Variants in THAP4 observed in about 807,000 individuals in gnomAD.
THAP4 encodes the protein peroxynitrite isomerase THAP4.
THAP4 carries 18 observed loss-of-function variants against 48.1 expected under a neutral mutation model. The observed-to-expected ratio is 0.37, with a 90% CI of 0.26 to 0.56. The LOEUF is 0.56. Among genes scored for constraint, THAP4 ranks in the 20% least tolerant of loss-of-function variants. The pLI, the probability that THAP4 is intolerant of heterozygous loss-of-function variation, is 0.78. For synonymous variants in THAP4, 345 were observed against 324.9 expected (o/e 1.06, Z -0.66); for missense variants, 656 against 774.9 (o/e 0.85, Z 1.82).
chr2:241,614,391 G>A (rs754649904), intron 2 of THAP4, among the ~76,000 whole-genome samples: 10 of 152,182 alleles, frequency 6.6e-5, no homozygotes, highest in African/African-American at 1.7e-4. Context: ...AGACGTAACC[G>A]TGAGGGATAC....
At chr2:241,588,089 AAATG>A (rs1320245895) in intron 5 of THAP4, among the ~76,000 whole-genome samples, 8 of 152,146 alleles carry the variant, frequency 5.3e-5, no homozygotes, top group Non-Finnish European at 5.9e-5. Context: ...CAAACTACAG[AAATG>A]AATGAATTTA....
At chr2:241,592,476 T>C (rs776109720) in intron 5 of THAP4, among the ~76,000 whole-genome samples, 11 of 152,184 alleles carry the variant, frequency 7.2e-5, no homozygotes, top group Non-Finnish European at 1.3e-4. Flanking sequence ...TGGGGCAAGC[T>C]GGCCAGGGAC....
At chr2:241,587,288 C>T (rs1373778447) in intron 5 of THAP4, among the ~76,000 whole-genome samples, 1 of 152,312 alleles carries the variant, frequency 6.6e-6, no homozygotes, top group East Asian at 1.9e-4. Flanking sequence ...CATCTGTTTG[C>T]TGGAGCTGGG....
At chr2:241,631,748 A>C (rs1189992788) in intron 2 of THAP4, among the ~76,000 whole-genome samples, 1 of 152,240 alleles carries the variant, frequency 6.6e-6, no homozygotes, top group Non-Finnish European at 1.5e-5. Context: ...TACAGGCAAG[A>C]GCTACTGTGC....
At position 241,599,925 on chromosome 2, in the gene THAP4, C is replaced by T. The variant is rs577273199; in HGVS notation, c.1614+1971G>A. 6.6e-4 allele frequency among the ~76,000 whole-genome samples: 101 copies of T among 152,184 alleles called. 1 individual carries two copies. Among genetic ancestry groups the T allele is most frequent in the African/African-American group, 2.3e-3 (97 of 41,540 alleles). ...GGACAAGCAGACGAAGAAAGACAAACGAGGCTGGGCACAGTGGCTCATGCC... is the reference window on the plus strand; with the variant it reads ...GGACAAGCAGACGAAGAAAGACAAATGAGGCTGGGCACAGTGGCTCATGCC... On this transcript the variant is annotated intron_variant, in intron 5 of 5. Transcript: ENST00000407315.
chr2:241,593,753 C>T (rs1041747433), intron 5 of THAP4, among the ~76,000 whole-genome samples: 2 of 152,200 alleles, frequency 1.3e-5, no homozygotes, highest in African/African-American at 4.8e-5. Context: ...GTGGCACAAT[C>T]ACTGCTCACT....
intron 2 of THAP4, among the ~76,000 whole-genome samples, chr2:241,617,058 A>C (rs1466350222): frequency 6.6e-6 from 1 of 152,216 alleles, no homozygotes; most frequent in African/African-American, 2.4e-5. Flanking sequence ...GGTGGGGGTG[A>C]GGACGACCAG....
chr2:241,585,983 C>T (rs1420593404), intron 5 of THAP4, among the ~76,000 whole-genome samples: 4 of 149,290 alleles, frequency 2.7e-5, no homozygotes, highest in East Asian at 2.0e-4. Flanking sequence ...AGGTTGGGCA[C>T]GGTGGTTCAC....
chr2:241,603,306 G>A (rs1186916966), intron 3 of THAP4, among the ~76,000 whole-genome samples: 6 of 139,024 alleles, frequency 4.3e-5, no homozygotes, highest in African/African-American at 1.4e-4. Context: ...ACACCTGCCC[G>A]CCCCCTCCAC....
chr2:241,613,969 T>A (rs1007999798), intron 2 of THAP4, among the ~76,000 whole-genome samples: 2 of 151,848 alleles, frequency 1.3e-5, no homozygotes, highest in Non-Finnish European at 2.9e-5. Context: ...CTGGGCAACA[T>A]AGTGAAACCC....
At chr2:241,589,084 G>A (rs894364735) in intron 5 of THAP4, among the ~76,000 whole-genome samples, 4 of 151,974 alleles carry the variant, frequency 2.6e-5, no homozygotes, top group Non-Finnish European at 4.4e-5. Context: ...ATGGTGGTGG[G>A]AGCCTGTAAT....
At chr2:241,606,193 G>C (rs2067181308) in intron 3 of THAP4, 121 bp downstream of exon 3, 1 of 901,480 alleles carries the variant, frequency 1.1e-6, no homozygotes, top group Admixed American at 3.0e-5. Flanking sequence ...TTCTGAAATA[G>C]ATGGACAAGT....
chr2:241,635,963 G>A (rs1559238384), intron 1 of THAP4, among the ~76,000 whole-genome samples: 1 of 151,996 alleles, frequency 6.6e-6, no homozygotes, highest in African/African-American at 2.4e-5. Context: ...CAACTGCAAA[G>A]GTACCCCCCC....
intron 5 of THAP4, chr2:241,584,936 C>G: frequency 1.6e-6 from 1 of 610,730 alleles, no homozygotes; most frequent in Non-Finnish European, 2.9e-6. Context: ...CAGGGGAACA[C>G]AGGGATTGTT....
chr2:241,624,245 T>C (rs1208189280), intron 2 of THAP4, among the ~76,000 whole-genome samples: 1 of 152,112 alleles, frequency 6.6e-6, no homozygotes, highest in East Asian at 1.9e-4. Context: ...CCCAGCACTG[T>C]GGGAGGCTGA....
chr2:241,611,458 C>CA (rs1201764596), intron 2 of THAP4, among the ~76,000 whole-genome samples: 2 of 152,234 alleles, frequency 1.3e-5, no homozygotes, highest in Non-Finnish European at 2.9e-5. Context: ...CGCAGTGGCT[C>CA]ACGCCTATAA....
At chr2:241,590,151 A>T (rs71430340) in intron 5 of THAP4, among the ~76,000 whole-genome samples, 1 of 54,936 alleles carries the variant, frequency 1.8e-5, no homozygotes, top group Non-Finnish European at 3.5e-5. Context: ...GGCTGATGAT[A>T]ATGGGCACTA....
intron 2 of THAP4, among the ~76,000 whole-genome samples, chr2:241,620,727 A>G (rs537079680): frequency 2.6e-5 from 4 of 151,914 alleles, no homozygotes; most frequent in African/African-American, 7.3e-5. Context: ...ACACTATGGT[A>G]GACTTTCTCA....
chr2:241,588,307 G>A (rs1200827596), intron 5 of THAP4, among the ~76,000 whole-genome samples: 1 of 152,144 alleles, frequency 6.6e-6, no homozygotes, highest in Non-Finnish European at 1.5e-5. Context: ...TAAATAAATG[G>A]AGCACCTTAC....
Sources: allele counts gnomAD v4.1 joint callset (sites outside exome capture counted in the v4.1 genomes callset), GRCh38; gene constraint gnomAD v4.1.1; transcripts MANE v1.5; gene names NCBI Gene and HGNC (gene_info 2026-07-23, HGNC 2026-07-21).